AGTPBP1: variants seen among roughly 807,000 people sequenced by gnomAD.
AGTPBP1 encodes the protein ATP/GTP binding carboxypeptidase 1.
AGTPBP1 carries 70 observed loss-of-function variants against 143.9 expected under a neutral mutation model. The ratio of observed to expected loss-of-function variants is 0.49; its 90% CI spans 0.40 to 0.59. The LOEUF (loss-of-function observed/expected upper bound fraction) is 0.59, where lower values mean the gene tolerates loss of function less well. Among genes scored for constraint, AGTPBP1 ranks in the 20% least tolerant of loss-of-function variants. The pLI is 0.00. For missense variants in AGTPBP1, 1,229 were observed against 1,464.5 expected, an observed-to-expected ratio of 0.84 and a Z score of 2.62; for synonymous variants, 463 against 500.2, an observed-to-expected ratio of 0.93 and a Z score of 0.99.
chr9:85,683,832 C>T (rs919555383), intron 3 of AGTPBP1, among the ~76,000 whole-genome samples: 21 of 152,188 alleles, frequency 1.4e-4, no homozygotes, highest in African/African-American at 4.8e-4. Context: ...ACTATATAAA[C>T]CTCACTGTCA....
chr9:85,762,751 C>T, the AGTPBP1 span, among the ~76,000 whole-genome samples: 3 of 147,888 alleles, frequency 2.0e-5, no homozygotes, highest in African/African-American at 7.5e-5. Flanking sequence ...GCACATGTAC[C>T]CTAGAACTTA....
chr9:85,775,259 C>A, the AGTPBP1 span, among the ~76,000 whole-genome samples: 2 of 151,706 alleles, frequency 1.3e-5, no homozygotes, highest in African/African-American at 2.4e-5. Context: ...GCTGTGGTCA[C>A]ACCACTGCAC....
chr9:85,681,663 A>T (rs1835183372), intron 3 of AGTPBP1, among the ~76,000 whole-genome samples: 1 of 151,626 alleles, frequency 6.6e-6, no homozygotes, highest in Admixed American at 6.6e-5. Context: ...CATCTTCATG[A>T]GTAGAACTAG....
intron 13 of AGTPBP1, among the ~76,000 whole-genome samples, chr9:85,636,259 C>CTTTTTTTTT (rs35445993): frequency 8.4e-6 from 1 of 118,544 alleles, no homozygotes; most frequent in Non-Finnish European, 1.8e-5. Flanking sequence ...TGTAAGGTTT[C>CTTTTTTTTT]TTTTTTTTTT....
At chr9:85,777,927 G>C in the AGTPBP1 span, among the ~76,000 whole-genome samples, 1 of 152,206 alleles carries the variant, frequency 6.6e-6, no homozygotes, top group Admixed American at 6.5e-5. Flanking sequence ...CCTAGAAAGG[G>C]GCTGTAGTGC....
At chr9:85,603,824 G>C (rs1170343965) in intron 17 of AGTPBP1, among the ~76,000 whole-genome samples, 1 of 152,110 alleles carries the variant, frequency 6.6e-6, no homozygotes, top group Non-Finnish European at 1.5e-5. Flanking sequence ...TGTGCTTTGA[G>C]GGAACATCGG....
At chr9:85,590,345 T>C (rs1828878915) in intron 19 of AGTPBP1, among the ~76,000 whole-genome samples, 1 of 152,176 alleles carries the variant, frequency 6.6e-6, no homozygotes, top group Non-Finnish European at 1.5e-5. Context: ...TAAAAATTTA[T>C]ACATACACAT....
chr9:85,667,067 C>A (rs1834176558), intron 8 of AGTPBP1, among the ~76,000 whole-genome samples: 1 of 152,056 alleles, frequency 6.6e-6, no homozygotes, highest in Non-Finnish European at 1.5e-5. Context: ...AATGATAGAG[C>A]TAACATGCAA....
the AGTPBP1 span, among the ~76,000 whole-genome samples, chr9:85,765,530 A>T: frequency 3.3e-5 from 5 of 152,144 alleles, 1 homozygote; most frequent in African/African-American, 1.2e-4. Context: ...TTTTAAAACT[A>T]TGTAGAAGAT....
At chr9:85,696,497 ATC>A (rs1220645603) in intron 2 of AGTPBP1, among the ~76,000 whole-genome samples, 1 of 152,020 alleles carries the variant, frequency 6.6e-6, no homozygotes, top group African/African-American at 2.4e-5. Flanking sequence ...GTGAAACCCC[ATC>A]TCTACTAAAA....
chr9:85,660,201 G>A (rs1176409402), intron 9 of AGTPBP1, among the ~76,000 whole-genome samples: 1 of 151,960 alleles, frequency 6.6e-6, no homozygotes, highest in Non-Finnish European at 1.5e-5. Context: ...GGGTGGAGTG[G>A]GGTGGGGACA....
chr9:85,619,441 C>T (rs773560676), intron 15 of AGTPBP1, 140 bp from the exon 16 acceptor site: 4 of 596,008 alleles, frequency 6.7e-6, no homozygotes, highest in East Asian at 2.9e-5. Flanking sequence ...AAGCACAAAA[C>T]AAGCACAATC....
intron 1 of AGTPBP1, among the ~76,000 whole-genome samples, chr9:85,721,787 A>G (rs531195716): frequency 1.1e-4 from 17 of 152,286 alleles, no homozygotes; most frequent in African/African-American, 3.9e-4. Context: ...ACAATTTGGC[A>G]TGTTTTTGCA....
upstream of AGTPBP1, chr9:85,742,031 G>A: frequency 8.4e-7 from 1 of 1,195,412 alleles, no homozygotes; most frequent in Non-Finnish European, 1.0e-6. Context: ...CACGCGCAGG[G>A]AGTGGGGGCG....
chr9:85,728,030 T>TATATACACACAC (rs71505763), intron 1 of AGTPBP1, among the ~76,000 whole-genome samples: 12 of 128,328 alleles, frequency 9.4e-5, no homozygotes, highest in African/African-American at 3.5e-4. Flanking sequence ...TATATTTATA[T>TATATACACACAC]ACACACACAC....
upstream of AGTPBP1, among the ~76,000 whole-genome samples, chr9:85,745,562 C>T (rs967837773): frequency 2.6e-5 from 4 of 152,228 alleles, no homozygotes; most frequent in African/African-American, 9.6e-5. Context: ...AGAGCTGAAT[C>T]TAAATGAATG....
chr9:85,762,926 T>C, the AGTPBP1 span, among the ~76,000 whole-genome samples: 6 of 150,540 alleles, frequency 4.0e-5, no homozygotes, highest in African/African-American at 1.5e-4. Flanking sequence ...CCAAAACATA[T>C]CACTGTGAAG....
intron 17 of AGTPBP1, among the ~76,000 whole-genome samples, chr9:85,612,957 G>A (rs529477668): frequency 6.6e-6 from 1 of 151,578 alleles, no homozygotes; most frequent in East Asian, 1.9e-4. Context: ...TATTTTCCAA[G>A]TGCCCATGAG....
chr9:85,711,163 T>C (rs1314454086), intron 2 of AGTPBP1, among the ~76,000 whole-genome samples: 1 of 152,182 alleles, frequency 6.6e-6, no homozygotes, highest in African/African-American at 2.4e-5. Flanking sequence ...TAATACACTG[T>C]CAATTACCAA....
Sources: gnomAD v4.1 joint callset for allele counts (sites outside exome capture counted in the v4.1 genomes callset) on GRCh38, gnomAD v4.1.1 for gene constraint, MANE v1.5 for transcripts, NCBI Gene and HGNC (gene_info 2026-07-23, HGNC 2026-07-21) for gene names.